The following PIK3CD variants were observed in gnomAD, a reference collection of about 807,000 sequenced individuals.
PIK3CD encodes the protein phosphatidylinositol-4,5-bisphosphate 3-kinase catalytic subunit delta.
A neutral mutation model predicts 122.9 loss-of-function variants in PIK3CD; 20 were observed. That is an observed-to-expected ratio of 0.16 (90% CI 0.11 to 0.24). The LOEUF is 0.24. Ranked by LOEUF, PIK3CD falls within the 10% of genes least tolerant of loss-of-function variation. PIK3CD has a pLI of 1.00. For missense variants in PIK3CD, 787 were observed against 1,406.3 expected, an observed-to-expected ratio of 0.56 and a Z score of 7.04; for synonymous variants, 596 against 593.4, an observed-to-expected ratio of 1.00 and a Z score of -0.06.
At chr1:9,640,587 G>A in the PIK3CD span, among the ~76,000 whole-genome samples, 5,631 of 141,596 alleles carry the variant, frequency 0.04, 294 homozygotes, top group African/African-American at 0.12. Context: ...CTCAAAAAAA[G>A]AAAAAAAAAA....
At chr1:9,692,327 C>T (rs1191982149) in intron 2 of PIK3CD, among the ~76,000 whole-genome samples, 7 of 152,180 alleles carry the variant, frequency 4.6e-5, no homozygotes, top group East Asian at 1.9e-4. Flanking sequence ...GGGGTTAGAG[C>T]GCGGTGGCGT....
chr1:9,655,089 A>T (rs1644808158), intron 1 of PIK3CD, among the ~76,000 whole-genome samples: 1 of 151,774 alleles, frequency 6.6e-6, no homozygotes, highest in Non-Finnish European at 1.5e-5. Context: ...AAGAAAAAAA[A>T]GCTCTTTCAG....
rs1648292335 is a variant in PIK3CD at position 9,720,203 on chromosome 1, G to A, written c.1431G>A (p.Glu477=). The change falls in exon 11 of 24, where the codon GAG becomes GAA. Residue 477 remains glutamate, a synonymous_variant. Coordinates refer to ENST00000377346, the MANE Select transcript of PIK3CD (RefSeq NM_005026.5). The surrounding 1 kb of genome is among the most constrained non-coding windows in gnomAD (Gnocchi z 9.0). ...SAAALLICLP[E]VAPHPVYYPA... is the part of the protein sequence containing the mutation. ...CTGCCCTGCTCATCTGCCTGCCCGA[G>A]GTGGCCCCGCACCCCGTGTACTACC... 1 of 1,611,588 alleles carries A rather than the reference G, an allele frequency of 6.2e-7. No individual in the cohort carries two copies. Among genetic ancestry groups the A allele is most frequent in the African/African-American group, 1.3e-5 (1 of 75,016 alleles).
intron 1 of PIK3CD, among the ~76,000 whole-genome samples, chr1:9,657,202 G>A (rs1478926359): frequency 1.3e-5 from 2 of 152,014 alleles, no homozygotes; most frequent in South Asian, 2.1e-4. Flanking sequence ...TGGATTTAGG[G>A]CTCCCTCAGA....
the PIK3CD span, among the ~76,000 whole-genome samples, chr1:9,641,348 C>G: frequency 1.3e-5 from 2 of 152,142 alleles, no homozygotes; most frequent in Non-Finnish European, 2.9e-5. Flanking sequence ...ACCTCTTGAA[C>G]TTTGTATCAG....
the PIK3CD span, among the ~76,000 whole-genome samples, chr1:9,634,732 C>A: frequency 6.6e-6 from 1 of 152,214 alleles, no homozygotes; most frequent in Non-Finnish European, 1.5e-5. Context: ...CCTCACTCTG[C>A]CTCGAGTCAG....
the PIK3CD span, among the ~76,000 whole-genome samples, chr1:9,631,331 T>G: frequency 1.3e-5 from 2 of 152,220 alleles, no homozygotes. Flanking sequence ...GCATCTGTCC[T>G]CATGGGTACA....
At chr1:9,692,741 T>A (rs2100491253) in intron 2 of PIK3CD, among the ~76,000 whole-genome samples, 1 of 152,036 alleles carries the variant, frequency 6.6e-6, no homozygotes, top group East Asian at 1.9e-4. Context: ...AAAAAATAAA[T>A]AAATAAAATA....
Position 9,718,964 on chromosome 1 carries a change from A to G in PIK3CD, c.1242+49A>G. 15 of 1,552,282 alleles carry G rather than the reference A, an allele frequency of 9.7e-6. No individual in the cohort carries two copies. The highest frequency in any genetic ancestry group is 2.3e-5 in the East Asian group (1 of 44,090). The stretch of plus-strand genomic sequence containing the variant: ...GGGGTGCAGACCCCGGAGAGCCAGT[A>G]CAGCCCCTTGCTGGGCCACTCACCA... On this transcript the variant is annotated intron_variant, in intron 9 of 23. Coordinates refer to ENST00000377346, the MANE Select transcript of PIK3CD (RefSeq NM_005026.5). The surrounding 1 kb of genome is among the most constrained non-coding windows in gnomAD (Gnocchi z 7.2).
the PIK3CD span, among the ~76,000 whole-genome samples, chr1:9,630,261 G>A: frequency 6.6e-6 from 1 of 152,250 alleles, no homozygotes; most frequent in Non-Finnish European, 1.5e-5. Context: ...AGGCCGTCAG[G>A]CCTTGGATCA....
At position 9,723,896 on chromosome 1, in the gene PIK3CD, G is replaced by A. The variant is rs899510650; in HGVS notation, c.2595-73G>A. Reference sequence around the variant, plus strand: ...ACAGGGCCAGATTCAAGGGGAGAGGGAGTAATAACCCACCTCTTGATAGGC... The same window carrying A: ...ACAGGGCCAGATTCAAGGGGAGAGGAAGTAATAACCCACCTCTTGATAGGC... On this transcript the variant is annotated intron_variant, in intron 20 of 23. Transcript: ENST00000377346. This position sits in a 1 kb window ranked among gnomAD's most constrained non-coding sequence, Gnocchi z 4.9. 8 of 1,370,538 alleles carry A rather than the reference G, an allele frequency of 5.8e-6. No homozygotes were observed. The highest frequency in any genetic ancestry group is 5.7e-5 in the African/African-American group (4 of 70,090). The allele number at this position is 1,370,538 out of a possible 1,614,324, so 84.9% of individuals were successfully genotyped here.
At chr1:9,705,258 C>G (rs1030249734) in intron 2 of PIK3CD, among the ~76,000 whole-genome samples, 1 of 150,580 alleles carries the variant, frequency 6.6e-6, no homozygotes, top group African/African-American at 2.5e-5. Context: ...ATCACTTGAG[C>G]CCAGGAGTTT....
intron 1 of PIK3CD, among the ~76,000 whole-genome samples, chr1:9,672,020 G>C (rs966855363): frequency 6.6e-6 from 1 of 152,066 alleles, no homozygotes; most frequent in Non-Finnish European, 1.5e-5. Context: ...CGGGTTCCCA[G>C]GGGGAGTGGG....
rs201391801 is a variant in PIK3CD, at chr1:9,704,506, C to CTTTGT, written c.-32-5899_-32-5895dup. On this transcript the variant is annotated intron_variant, in intron 2 of 23. Coordinates refer to ENST00000377346, the MANE Select transcript of PIK3CD (RefSeq NM_005026.5). The surrounding 1 kb of genome is among the most constrained non-coding windows in gnomAD (Gnocchi z 5.0). ...TCTCCCAAGTTGTTTTTTTGTTTTG[C>CTTTGT]TTTGTTTTGTTTTGTTTTGTTTTTG... Among the ~76,000 whole-genome samples, 530 of 151,932 alleles carry CTTTGT rather than the reference C, an allele frequency of 3.5e-3. 6 individuals carry two copies. The highest frequency in any genetic ancestry group is 0.014 in the Middle Eastern group (4 of 294).
Position 9,718,997 on chromosome 1 carries a change from C to T in PIK3CD, c.1242+82C>T. On this transcript the variant is annotated intron_variant, in intron 9 of 23. Coordinates refer to ENST00000377346, the MANE Select transcript of PIK3CD (RefSeq NM_005026.5). The surrounding 1 kb of genome is among the most constrained non-coding windows in gnomAD (Gnocchi z 7.2). ...TTGCTGGGCCACTCACCACTCTCCT[C>T]CCGGCAAGCACGCAGCCTGGGGATG... The T allele has an allele frequency of 2.3e-6, 3 of 1,328,378 alleles. No homozygotes were observed. Among genetic ancestry groups the T allele is most frequent in the Non-Finnish European group, 2.1e-6 (2 of 943,358 alleles). 82.3% of individuals were successfully genotyped at this position (1,328,378 alleles called of 1,614,324 possible). A position where few individuals can be genotyped will look rare whatever the true frequency, so the allele number is the denominator to read the frequency against.
the PIK3CD span, among the ~76,000 whole-genome samples, chr1:9,629,846 C>A: frequency 6.6e-6 from 1 of 152,326 alleles, no homozygotes. Context: ...CTGGGGAGCA[C>A]TTCTGCACCC....
chr1:9,629,934 C>T, the PIK3CD span, among the ~76,000 whole-genome samples: 1 of 152,100 alleles, frequency 6.6e-6, no homozygotes, highest in Non-Finnish European at 1.5e-5. Flanking sequence ...GGAGTGGGGG[C>T]GGAGGCGGAG....
At chr1:9,671,925 G>A (rs1038262218) in intron 1 of PIK3CD, among the ~76,000 whole-genome samples, 8 of 152,226 alleles carry the variant, frequency 5.3e-5, no homozygotes, top group African/African-American at 1.4e-4. Context: ...AGTGCGGTCT[G>A]CCCTCAGGTG....
At chr1:9,649,010 G>A (rs1160496851), upstream of PIK3CD, among the ~76,000 whole-genome samples, 3 of 152,164 alleles carry the variant, frequency 2.0e-5, no homozygotes, top group East Asian at 1.9e-4. Context: ...GCTGAGGCAT[G>A]AGAGTCGCTT....
Sources: gnomAD v4.1 joint callset for allele counts (sites outside exome capture counted in the v4.1 genomes callset) on GRCh38, gnomAD v4.1.1 for gene constraint, Gnocchi (gnomAD v3.1) non-coding constraint, MANE v1.5 for transcripts, NCBI Gene and HGNC (gene_info 2026-07-23, HGNC 2026-07-21) for gene names.